Variants in CAMK4 observed in about 807,000 individuals in gnomAD.
CAMK4 encodes calcium/calmodulin dependent protein kinase IV.
CAMK4 carries 22 observed loss-of-function variants against 44.9 expected under a neutral mutation model. That is an observed-to-expected ratio of 0.49 (90% CI 0.35 to 0.70). The LOEUF (loss-of-function observed/expected upper bound fraction) is 0.70, where lower values mean the gene tolerates loss of function less well. Among genes scored for constraint, CAMK4 ranks in the 30% least tolerant of loss-of-function variants. The probability of loss-of-function intolerance (pLI) is 0.01; values close to 1 mark genes in which losing one functional copy is unlikely to be tolerated. For synonymous variants in CAMK4, 218 were observed against 215.4 expected, an observed-to-expected ratio of 1.01 and a Z score of -0.11; for missense variants, 498 against 586.8, an observed-to-expected ratio of 0.85 and a Z score of 1.56.
At chr5:111,303,266 A>G (rs1450965526) in intron 1 of CAMK4, among the ~76,000 whole-genome samples, 2 of 134,500 alleles carry the variant, frequency 1.5e-5, no homozygotes, top group Non-Finnish European at 3.1e-5. Context: ...ACGAGCTGAG[A>G]GAAGAAGGCT....
At chr5:111,405,817 A>C (rs1752404023) in intron 5 of CAMK4, among the ~76,000 whole-genome samples, 2 of 152,212 alleles carry the variant, frequency 1.3e-5, no homozygotes, top group Admixed American at 1.3e-4. Flanking sequence ...ATGGCCGGTC[A>C]AGAAATGAAA....
intron 1 of CAMK4, among the ~76,000 whole-genome samples, chr5:111,268,894 T>A (rs567666558): frequency 6.6e-6 from 1 of 151,814 alleles, no homozygotes; most frequent in East Asian, 1.9e-4. Context: ...AAAGGAAAGA[T>A]TATAGAAGCT....
At chr5:111,352,256 A>G (rs1750141047) in intron 2 of CAMK4, among the ~76,000 whole-genome samples, 1 of 152,126 alleles carries the variant, frequency 6.6e-6, no homozygotes. Flanking sequence ...AAAAATGAAA[A>G]TAGCTATTAT....
chr5:111,383,839 T>A (rs1303620504), intron 4 of CAMK4, among the ~76,000 whole-genome samples: 1 of 152,110 alleles, frequency 6.6e-6, no homozygotes, highest in African/African-American at 2.4e-5. Context: ...GTTCCTTTGA[T>A]ACACACTACA....
At chr5:111,465,342 A>G (rs749793075) in intron 7 of CAMK4, among the ~76,000 whole-genome samples, 7 of 152,100 alleles carry the variant, frequency 4.6e-5, no homozygotes, top group Non-Finnish European at 7.4e-5. Context: ...AAGAAAAGAA[A>G]TAACTAAGAT....
At chr5:111,383,765 A>C (rs1372318467) in intron 4 of CAMK4, among the ~76,000 whole-genome samples, 1 of 151,946 alleles carries the variant, frequency 6.6e-6, no homozygotes, top group Non-Finnish European at 1.5e-5. Context: ...CCGCCCAGCC[A>C]AGGGGAGATA....
At chr5:111,447,414 C>A (rs1038023688) in intron 6 of CAMK4, among the ~76,000 whole-genome samples, 3 of 152,112 alleles carry the variant, frequency 2.0e-5, no homozygotes, top group African/African-American at 7.2e-5. Flanking sequence ...GAACCTTTAA[C>A]CTGTTAACAT....
intron 1 of CAMK4, among the ~76,000 whole-genome samples, chr5:111,335,766 A>G (rs1749375206): frequency 1.3e-5 from 2 of 151,444 alleles, no homozygotes; most frequent in South Asian, 4.1e-4. Flanking sequence ...TAATAGCTTT[A>G]CAGAACAATG....
At position 111,249,666 on chromosome 5, in the gene CAMK4, A is replaced by ATATATATG. The variant is rs1242789662; in HGVS notation, c.161+25023_161+25024insATATATGT. ...TATATGTGTGTGTGTGTGTATATAT[A>ATATATATG]TGTGTGTGTGTGTGTGTGTGTGTGT... On this transcript the variant is annotated intron_variant, in intron 1 of 10. Transcript: ENST00000282356. Among the ~76,000 whole-genome samples the ATATATATG allele has an allele frequency of 3.0e-3, 429 of 140,722 alleles. 2 individuals carry two copies. The highest frequency in any genetic ancestry group is 0.011 in the African/African-American group (406 of 37,612). 92.3% of individuals were successfully genotyped at this position (140,722 alleles called of 152,430 possible). A position where few individuals can be genotyped will look rare whatever the true frequency, so the allele number is the denominator to read the frequency against.
chr5:111,418,687 G>A (rs1391464982), intron 5 of CAMK4, among the ~76,000 whole-genome samples: 9 of 148,624 alleles, frequency 6.1e-5, no homozygotes, highest in African/African-American at 2.2e-4. Context: ...GTGAGAACAT[G>A]CGGTGTTTGG....
At chr5:111,425,043 A>T (rs1753172366) in intron 5 of CAMK4, among the ~76,000 whole-genome samples, 1 of 151,936 alleles carries the variant, frequency 6.6e-6, no homozygotes, top group South Asian at 2.1e-4. Context: ...ATGCACTTGT[A>T]GCCCAGCTAC....
intron 1 of CAMK4, chr5:111,282,889 T>C (rs1392959978): frequency 6.6e-6 from 1 of 152,230 alleles, no homozygotes; most frequent in Non-Finnish European, 1.5e-5. Context: ...CTCAGAACAC[T>C]TACATTAGCC....
chr5:111,337,053 A>G lies in CAMK4; in HGVS notation c.162-6971A>G, dbSNP rs907080832. Among the ~76,000 whole-genome samples, 4 of 151,158 alleles carry G rather than the reference A, an allele frequency of 2.6e-5. No individual in the cohort carries two copies. In the East Asian group the frequency reaches 5.8e-4, roughly 22 times the overall value. On this transcript the variant is annotated intron_variant, in intron 1 of 10. Transcript: ENST00000282356. ...AATTGTATATAGTTGTGTAAACACC[A>G]TAACAGTCAAGATATAAAATAGTTC...
intron 1 of CAMK4, among the ~76,000 whole-genome samples, chr5:111,271,254 C>T (rs982532900): frequency 4.6e-5 from 7 of 152,128 alleles, no homozygotes; most frequent in Admixed American, 4.6e-4. Flanking sequence ...TTTGGATAAG[C>T]CATTTATGAC....
At chr5:111,461,531 G>A (rs144201168) in intron 7 of CAMK4, among the ~76,000 whole-genome samples, 1 of 152,294 alleles carries the variant, frequency 6.6e-6, no homozygotes, top group Non-Finnish European at 1.5e-5. Context: ...CCAGTGTGGA[G>A]TCTGCCCAAC....
chr5:111,346,518 A>ATC (rs1749876372), intron 2 of CAMK4, among the ~76,000 whole-genome samples: 2 of 96,318 alleles, frequency 2.1e-5, no homozygotes, highest in African/African-American at 7.7e-5. Context: ...ATCTATCTCC[A>ATC]TCCATCTATC....
intron 1 of CAMK4, among the ~76,000 whole-genome samples, chr5:111,231,010 T>A (rs1053562052): frequency 2.0e-5 from 3 of 152,172 alleles, no homozygotes; most frequent in African/African-American, 7.2e-5. Flanking sequence ...GTCAAGGTTT[T>A]ACTCAAATTA....
chr5:111,483,982 G>A (rs1580813596), intron 10 of CAMK4, 44 bp from the exon 11 acceptor site: 1 of 1,450,066 alleles, frequency 6.9e-7, no homozygotes, highest in Non-Finnish European at 9.3e-7. Context: ...GATGTGGGGT[G>A]TTAAAGCAGA....
chr5:111,453,716 G>A (rs185587185), intron 7 of CAMK4, among the ~76,000 whole-genome samples: 1 of 152,326 alleles, frequency 6.6e-6, no homozygotes, highest in Admixed American at 6.5e-5. Flanking sequence ...CCAGGGCCAC[G>A]CAGGAAAGAA....
Sources: allele counts gnomAD v4.1 joint callset (sites outside exome capture counted in the v4.1 genomes callset), GRCh38; gene constraint gnomAD v4.1.1; transcripts MANE v1.5; gene names NCBI Gene and HGNC (gene_info 2026-07-23, HGNC 2026-07-21).